The following DNAJC5 variants were observed in gnomAD, a reference collection of about 807,000 sequenced individuals.
DNAJC5 encodes DnaJ heat shock protein family (Hsp40) member C5.
In DNAJC5, 1 loss-of-function variant was observed where a neutral mutation model predicts 23.2. The ratio of observed to expected loss-of-function variants is 0.04; its 90% CI spans 0.02 to 0.20. The LOEUF is 0.20. Ranked by LOEUF, DNAJC5 falls within the 10% of genes least tolerant of loss-of-function variation. The probability of loss-of-function intolerance (pLI) is 1.00; values close to 1 mark genes in which losing one functional copy is unlikely to be tolerated. For missense variants in DNAJC5, 180 were observed against 267.0 expected (o/e 0.67, Z 2.27); for synonymous variants, 136 against 120.0 (o/e 1.13, Z -0.87).
At chr20:63,930,091 G>A (rs2053654493) in intron 3 of DNAJC5, among the ~76,000 whole-genome samples, 1 of 152,248 alleles carries the variant, frequency 6.6e-6, no homozygotes, top group African/African-American at 2.4e-5. Flanking sequence ...TATGAGGCCA[G>A]AGGGTTGGAA....
At chr20:63,896,726 T>C (rs1261815390) in intron 1 of DNAJC5, among the ~76,000 whole-genome samples, 2 of 152,200 alleles carry the variant, frequency 1.3e-5, no homozygotes, top group Non-Finnish European at 2.9e-5. Context: ...GTGTCCTGCT[T>C]AATGCATTTA....
At chr20:63,908,792 C>G (rs921140761) in intron 1 of DNAJC5, among the ~76,000 whole-genome samples, 1 of 151,828 alleles carries the variant, frequency 6.6e-6, no homozygotes. Flanking sequence ...AGAGTGAGAC[C>G]CCATCTCAAA....
intron 1 of DNAJC5, among the ~76,000 whole-genome samples, chr20:63,910,171 A>C (rs1400401230): frequency 6.6e-6 from 1 of 152,098 alleles, no homozygotes; most frequent in Non-Finnish European, 1.5e-5. Flanking sequence ...CCTTGATTGA[A>C]TAGTCGCTAC....
rs757902893 is a variant in DNAJC5 at position 63,930,834 on chromosome 20, CCTT to C, written c.322-11_322-9del. On this transcript the variant is annotated splice_polypyrimidine_tract_variant and intron_variant, in intron 3 of 4. Transcript: ENST00000360864. ...GGGCCTCGGAGGCCATGCAACACCA[CCTT>C]CTTCTCCCCCCAGGCCCTGTTTGTC... 5.6e-6 allele frequency: 9 copies of C among 1,611,944 alleles called. No individual in the cohort carries two copies. The highest frequency in any genetic ancestry group is 2.1e-4 in the Middle Eastern group (1 of 4,768).
At position 63,935,792 on chromosome 20, in the gene DNAJC5, T is replaced by G. The variant is rs549689208; in HGVS notation, c.*4224T>G. On this transcript the variant is annotated 3_prime_UTR_variant, in exon 5 of 5. Coordinates refer to ENST00000360864, the MANE Select transcript of DNAJC5 (RefSeq NM_025219.3). ...AGTTAACACTGAAATATGTATTGTTTTTAAAAATCAAATGCACACGCATGG... is the reference window on the plus strand; with the variant it reads ...AGTTAACACTGAAATATGTATTGTTGTTAAAAATCAAATGCACACGCATGG... 1.2e-4 allele frequency: 19 copies of G among 152,342 alleles called. No individual in the cohort carries two copies. The East Asian group carries it at 3.7e-3, about 29-fold the overall frequency. 9.4% of individuals were successfully genotyped at this position (152,342 alleles called of 1,614,324 possible). A position where few individuals can be genotyped will look rare whatever the true frequency, so the allele number is the denominator to read the frequency against.
chr20:63,931,824 T>G lies in DNAJC5; in HGVS notation c.*256T>G, dbSNP rs2053675275. Reference sequence around the variant, plus strand: ...AGCATGTATGGGGTTCTGTTCCATGTCTGTGTTGTGGACATTCCGCGGCAT... The same window carrying G: ...AGCATGTATGGGGTTCTGTTCCATGGCTGTGTTGTGGACATTCCGCGGCAT... On this transcript the variant is annotated 3_prime_UTR_variant, in exon 5 of 5. Transcript: ENST00000360864. This position sits in a 1 kb window ranked among gnomAD's most constrained non-coding sequence, Gnocchi z 9.6. 3.7e-6 allele frequency: 2 copies of G among 541,626 alleles called. No homozygotes were observed. The highest frequency in any genetic ancestry group is 1.9e-5 in the African/African-American group (1 of 52,604). The allele number at this position is 541,626 out of a possible 1,614,324, so 33.6% of individuals were successfully genotyped here.
At chr20:63,901,110 G>A (rs1401854954) in intron 1 of DNAJC5, among the ~76,000 whole-genome samples, 1 of 152,196 alleles carries the variant, frequency 6.6e-6, no homozygotes, top group Non-Finnish European at 1.5e-5. Flanking sequence ...AATTACAGGC[G>A]TGTGCCACCA....
At position 63,920,733 on chromosome 20, in the gene DNAJC5, A is replaced by G. The variant is rs2053564006; in HGVS notation, c.-11-7602A>G. Among the ~76,000 whole-genome samples, 1 of 152,172 alleles carries G rather than the reference A, an allele frequency of 6.6e-6. No individual in the cohort carries two copies. The highest frequency in any genetic ancestry group is 2.4e-5 in the African/African-American group (1 of 41,436). On this transcript the variant is annotated intron_variant, in intron 1 of 4. Transcript: ENST00000360864. This position sits in a 1 kb window ranked among gnomAD's most constrained non-coding sequence, Gnocchi z 4.6. ...GACTCTGTCACCCAGGCTGGAGTGC[A>G]GTGGTGAGATCTCGGCTCACTGCAA... is the stretch of plus-strand genomic sequence containing the variant.
intron 1 of DNAJC5, among the ~76,000 whole-genome samples, chr20:63,912,832 C>T (rs2053490620): frequency 6.6e-6 from 1 of 152,168 alleles, no homozygotes; most frequent in Admixed American, 6.6e-5. Context: ...TGGTCTTGAT[C>T]TCCTGACCTC....
intron 1 of DNAJC5, among the ~76,000 whole-genome samples, chr20:63,898,570 A>G (rs6011210): frequency 0.59 from 88,889 of 151,932 alleles, 27,109 homozygotes; most frequent in East Asian, 0.97. Flanking sequence ...TAGGCCGGGC[A>G]CGGTGGCTCA....
chr20:63,929,687 C>G lies in DNAJC5; in HGVS notation c.321+162C>G, dbSNP rs972372661. Among the ~76,000 whole-genome samples the G allele has an allele frequency of 6.7e-6, 1 of 148,732 alleles. No homozygotes were observed. Among genetic ancestry groups the G allele is most frequent in the Non-Finnish European group, 1.5e-5 (1 of 67,222 alleles). On this transcript the variant is annotated intron_variant, in intron 3 of 4. Coordinates refer to ENST00000360864, the MANE Select transcript of DNAJC5 (RefSeq NM_025219.3). This position sits in a 1 kb window ranked among gnomAD's most constrained non-coding sequence, Gnocchi z 8.6. ...GAGTCTCTCCTGCCGTGCGGGCACC[C>G]GAGTCACTCCTGCCGTGCGGGCGCC...
At chr20:63,905,197 C>G (rs2053439993) in intron 1 of DNAJC5, among the ~76,000 whole-genome samples, 1 of 150,798 alleles carries the variant, frequency 6.6e-6, no homozygotes, top group Non-Finnish European at 1.5e-5. Context: ...CTCACTGCAA[C>G]CTCTGCTTCC....
chr20:63,910,502 C>T (rs1055715521), intron 1 of DNAJC5, among the ~76,000 whole-genome samples: 1 of 150,454 alleles, frequency 6.6e-6, no homozygotes, highest in Non-Finnish European at 1.5e-5. Flanking sequence ...GAGATCGCGC[C>T]ACTGCACTCC....
intron 1 of DNAJC5, among the ~76,000 whole-genome samples, chr20:63,925,073 C>G (rs959761654): frequency 1.3e-5 from 2 of 152,148 alleles, no homozygotes; most frequent in African/African-American, 2.4e-5. Context: ...CAGGAAAGTC[C>G]GCCTGTGTGG....
chr20:63,908,193 A>G lies in DNAJC5; in HGVS notation c.-12+12870A>G, dbSNP rs147809678. Among the ~76,000 whole-genome samples the G allele has an allele frequency of 4.4e-3, 664 of 152,252 alleles. 15 individuals are homozygous for G. The highest frequency in any genetic ancestry group is 0.038 in the Admixed American group (581 of 15,276). On this transcript the variant is annotated intron_variant, in intron 1 of 4. Coordinates refer to ENST00000360864, the MANE Select transcript of DNAJC5 (RefSeq NM_025219.3). Reference sequence around the variant, plus strand: ...AGTTGCAGAGGCACTCTGAAACCCTATGTATGTGCTTCACCAGGGACAGCC... The same window carrying G: ...AGTTGCAGAGGCACTCTGAAACCCTGTGTATGTGCTTCACCAGGGACAGCC...
intron 1 of DNAJC5, among the ~76,000 whole-genome samples, chr20:63,917,749 G>A (rs962222155): frequency 1.3e-5 from 2 of 151,802 alleles, no homozygotes; most frequent in Admixed American, 6.6e-5. Flanking sequence ...CAGAGACAGG[G>A]TTTCACCATG....
intron 1 of DNAJC5, among the ~76,000 whole-genome samples, chr20:63,903,161 G>A (rs1035951861): frequency 1.3e-5 from 2 of 151,840 alleles, no homozygotes; most frequent in African/African-American, 4.8e-5. Flanking sequence ...TTGTAGAGAT[G>A]GGGCCTCCAC....
At position 63,909,375 on chromosome 20, in the gene DNAJC5, C is replaced by T. The variant is rs1266814504; in HGVS notation, c.-12+14052C>T. Among the ~76,000 whole-genome samples, 38 of 151,158 alleles carry T rather than the reference C, an allele frequency of 2.5e-4. No individual in the cohort carries two copies. In the Middle Eastern group the frequency reaches 0.014, roughly 56 times the overall value. ...AAAATTAGCCGGGCGTGGTGGCGGG[C>T]GCCTGTAGTCCCAGCTACTCGGGAG... On this transcript the variant is annotated intron_variant, in intron 1 of 4. Transcript: ENST00000360864.
intron 1 of DNAJC5, among the ~76,000 whole-genome samples, chr20:63,917,492 A>T (rs560092066): frequency 6.6e-6 from 1 of 152,170 alleles, no homozygotes; most frequent in African/African-American, 2.4e-5. Flanking sequence ...AGCTCAAGTG[A>T]CATGCCCACC....
Sources: allele counts gnomAD v4.1 joint callset (sites outside exome capture counted in the v4.1 genomes callset), GRCh38; gene constraint gnomAD v4.1.1; non-coding constraint Gnocchi (gnomAD v3.1); transcripts MANE v1.5; gene names NCBI Gene and HGNC (gene_info 2026-07-23, HGNC 2026-07-21).